The following TSC22D1 variants were observed in gnomAD, a reference collection of about 807,000 sequenced individuals.
TSC22D1 encodes the protein TSC22 domain family protein 1.
Under a neutral mutation model 74.2 loss-of-function variants are expected in TSC22D1, and 9 were observed. The observed-to-expected ratio is 0.12, with a 90% CI of 0.07 to 0.21. TSC22D1 has a LOEUF of 0.21. Among genes scored for constraint, TSC22D1 ranks in the 10% least tolerant of loss-of-function variants. The probability of loss-of-function intolerance (pLI) is 1.00; values close to 1 mark genes in which losing one functional copy is unlikely to be tolerated. For synonymous variants in TSC22D1, 586 were observed against 492.5 expected, an observed-to-expected ratio of 1.19 and a Z score of -2.51; for missense variants, 1,427 against 1,304.7, an observed-to-expected ratio of 1.09 and a Z score of -1.44.
chr13:44,444,320 A>AAAAAAAAAAAAAAAAAAATAAAAG (rs1875460887), intron 1 of TSC22D1, among the ~76,000 whole-genome samples: 1 of 126,222 alleles, frequency 7.9e-6, no homozygotes, highest in African/African-American at 3.0e-5. Flanking sequence ...AAAAGAAAAG[A>AAAAAAAAAAAAAAAAAAATAAAAG]AAAAGAAAAA....
At chr13:44,577,145 G>A (rs968150053), upstream of TSC22D1, 3 of 152,460 alleles carry the variant, frequency 2.0e-5, no homozygotes, top group Admixed American at 6.5e-5. Flanking sequence ...GGCTGGTGCA[G>A]CGACTGCAGC....
Position 44,434,140 on chromosome 13 carries a change from A to C in TSC22D1, c.*486T>G. 6.7e-7 allele frequency: 1 copy of C among 1,495,830 alleles called. No homozygotes were observed. The highest frequency in any genetic ancestry group is 1.3e-5 in the South Asian group (1 of 76,736). The allele number at this position is 1,495,830 out of a possible 1,614,324, so 92.7% of individuals were successfully genotyped here. A position where few individuals can be genotyped will look rare whatever the true frequency, so the allele number is the denominator to read the frequency against. On this transcript the variant is annotated 3_prime_UTR_variant, in exon 3 of 3. Coordinates refer to ENST00000458659, the MANE Select transcript of TSC22D1 (RefSeq NM_183422.4). ...TTGGTGACAGTTGTCAAATTTGTACAGTGAACTCTGTTCCCCCTCATTTTA... is the reference window on the plus strand; with the variant it reads ...TTGGTGACAGTTGTCAAATTTGTACCGTGAACTCTGTTCCCCCTCATTTTA...
intron 1 of TSC22D1, among the ~76,000 whole-genome samples, chr13:44,458,634 T>G (rs1876810145): frequency 6.6e-6 from 1 of 152,022 alleles, no homozygotes; most frequent in Non-Finnish European, 1.5e-5. Context: ...CCCTGTGCTC[T>G]CGGGGACCCA....
At chr13:44,436,223 T>C in intron 1 of TSC22D1, 128 bp from the exon 2 acceptor site, 1 of 1,111,868 alleles carries the variant, frequency 9.0e-7, no homozygotes, top group Non-Finnish European at 1.3e-6. Context: ...CACTATGTAA[T>C]GTATCACCCT....
At position 44,574,540 on chromosome 13, in the gene TSC22D1, A is replaced by C. The variant is rs371351431; in HGVS notation, c.1535T>G (p.Leu512Arg). The C allele has an allele frequency of 6.2e-7, 1 of 1,613,920 alleles. No homozygotes were observed. Among genetic ancestry groups the C allele is most frequent in the African/African-American group, 1.3e-5 (1 of 74,842 alleles). Reference sequence around the variant, plus strand: ...CATCTGTTGGAGGGTCACACCTTGGAGAGCTGGTTGTTGCTGTTGTTGTTG... The same window carrying C: ...CATCTGTTGGAGGGTCACACCTTGGCGAGCTGGTTGTTGCTGTTGTTGTTG... ...QQQQQQQQPA[L>R]QGVTLQQMDF... The change falls in exon 1 of 3, where the codon CTC becomes CGC. Residue 512 changes from leucine (L) to arginine (R), a missense_variant. Around this residue, in one of 3 missense-constraint regions of TSC22D1, gnomAD observed 1,343 missense variants for 1,191.5 expected, o/e 1.13. Transcript: ENST00000458659.
chr13:44,518,081 T>C (rs1880140331), intron 1 of TSC22D1, among the ~76,000 whole-genome samples: 1 of 149,414 alleles, frequency 6.7e-6, no homozygotes, highest in South Asian at 2.1e-4. Flanking sequence ...CTCAAACTCC[T>C]GGACTCAAGT....
chr13:44,576,238 G>C lies in TSC22D1; in HGVS notation c.-164C>G, dbSNP rs533619044. 45 of 1,027,162 alleles carry C rather than the reference G, an allele frequency of 4.4e-5. No homozygotes were observed. Among genetic ancestry groups the C allele is most frequent in the Non-Finnish European group, 6.0e-5 (44 of 732,930 alleles). 63.6% of individuals were successfully genotyped at this position (1,027,162 alleles called of 1,614,324 possible). A position where few individuals can be genotyped will look rare whatever the true frequency, so the allele number is the denominator to read the frequency against. Reference sequence around the variant, plus strand: ...AAAGGCGCCGGTCGCTCCTGCCTTCGAGAGCGAGCTTCGGAAAGGAGGATG... The same window carrying C: ...AAAGGCGCCGGTCGCTCCTGCCTTCCAGAGCGAGCTTCGGAAAGGAGGATG... On this transcript the variant is annotated 5_prime_UTR_variant, in exon 1 of 3. Coordinates refer to ENST00000458659, the MANE Select transcript of TSC22D1 (RefSeq NM_183422.4).
At chr13:44,484,008 C>T (rs1256970678) in intron 1 of TSC22D1, among the ~76,000 whole-genome samples, 2 of 152,130 alleles carry the variant, frequency 1.3e-5, no homozygotes, top group Non-Finnish European at 2.9e-5. Flanking sequence ...CATTTCTAAC[C>T]TAATTTTGCT....
intron 1 of TSC22D1, among the ~76,000 whole-genome samples, chr13:44,448,707 A>G (rs1216337298): frequency 6.6e-6 from 1 of 151,890 alleles, no homozygotes; most frequent in Non-Finnish European, 1.5e-5. Flanking sequence ...ATCTATTCAG[A>G]ATTATAAAGC....
At chr13:44,534,231 G>GA (rs375484588) in intron 1 of TSC22D1, among the ~76,000 whole-genome samples, 1,914 of 99,930 alleles carry the variant, frequency 0.019, 38 homozygotes, top group African/African-American at 0.052. Flanking sequence ...GTCTCAAGGA[G>GA]AAAAAAAAAA....
At chr13:44,524,053 A>G (rs1364044203) in intron 1 of TSC22D1, among the ~76,000 whole-genome samples, 2 of 152,234 alleles carry the variant, frequency 1.3e-5, no homozygotes, top group African/African-American at 2.4e-5. Context: ...TGCATGAAAT[A>G]CTATACATAA....
At chr13:44,554,477 G>T (rs1470583786) in intron 1 of TSC22D1, among the ~76,000 whole-genome samples, 1 of 151,990 alleles carries the variant, frequency 6.6e-6, no homozygotes, top group Non-Finnish European at 1.5e-5. Flanking sequence ...TATGATGCTT[G>T]AGTGTACTAG....
In TSC22D1 at chr13:44,456,124, C is replaced by T. The variant is rs778181887; in HGVS notation, c.2913-20029G>A. 3.3e-5 allele frequency among the ~76,000 whole-genome samples: 5 copies of T among 152,260 alleles called. No individual in the cohort carries two copies. The South Asian group carries it at 6.2e-4, about 19-fold the overall frequency. On this transcript the variant is annotated intron_variant, in intron 1 of 2. Coordinates refer to ENST00000458659, the MANE Select transcript of TSC22D1 (RefSeq NM_183422.4). ...GTCTCGCTGACTTAAAGAATAAAGC[C>T]GTGGACCCTCGCAGTGAGTGTTACA...
chr13:44,545,192 G>A (rs187481151), intron 1 of TSC22D1, among the ~76,000 whole-genome samples: 5 of 151,760 alleles, frequency 3.3e-5, no homozygotes, highest in African/African-American at 4.8e-5. Context: ...AAAATCAGCC[G>A]GGTGTGGTGG....
intron 1 of TSC22D1, among the ~76,000 whole-genome samples, chr13:44,501,655 A>G (rs1024049555): frequency 2.6e-5 from 4 of 152,240 alleles, no homozygotes; most frequent in Non-Finnish European, 4.4e-5. Context: ...TGCCAGGAAG[A>G]GAAACCCTAA....
chr13:44,447,693 T>C (rs1875794699), intron 1 of TSC22D1, among the ~76,000 whole-genome samples: 1 of 152,024 alleles, frequency 6.6e-6, no homozygotes, highest in Non-Finnish European at 1.5e-5. Context: ...TTTTTCTCTC[T>C]CTAAACATTT....
intron 1 of TSC22D1, among the ~76,000 whole-genome samples, chr13:44,442,914 CAA>C (rs386378995): frequency 5.7e-5 from 5 of 87,048 alleles, no homozygotes; most frequent in Admixed American, 1.4e-4. Context: ...GAGACTCTGT[CAA>C]AAAAAAAAAA....
At position 44,439,510 on chromosome 13, in the gene TSC22D1, T is replaced by A. The variant is rs914245017; in HGVS notation, c.2913-3415A>T. Among the ~76,000 whole-genome samples the A allele has an allele frequency of 3.9e-5, 6 of 152,212 alleles. No individual in the cohort carries two copies. The East Asian group carries it at 1.2e-3, about 29-fold the overall frequency. ...AATTACATTCAAAGGCTCTTCTAAT[T>A]GCAAGACAAACGATCCATATGTCTG... On this transcript the variant is annotated intron_variant, in intron 1 of 2. Coordinates refer to ENST00000458659, the MANE Select transcript of TSC22D1 (RefSeq NM_183422.4).
At chr13:44,555,659 TC>T (rs112434738) in intron 1 of TSC22D1, among the ~76,000 whole-genome samples, 214 of 152,176 alleles carry the variant, frequency 1.4e-3, no homozygotes, top group African/African-American at 4.8e-3. Context: ...ATCCTTGTCT[TC>T]AAGCACTTTG....
Sources: allele counts gnomAD v4.1 joint callset (sites outside exome capture counted in the v4.1 genomes callset), GRCh38; gene constraint gnomAD v4.1.1; regional missense constraint gnomAD v4.1.1; transcripts MANE v1.5; gene names NCBI Gene and HGNC (gene_info 2026-07-23, HGNC 2026-07-21).